FAT2: variants seen among roughly 807,000 people sequenced by gnomAD.
The protein encoded by FAT2 is protocadherin Fat 2.
FAT2 carries 150 observed loss-of-function variants against 295.3 expected under a neutral mutation model. That is an observed-to-expected ratio of 0.51 (90% CI 0.44 to 0.58). The LOEUF (loss-of-function observed/expected upper bound fraction) is 0.58, where lower values mean the gene tolerates loss of function less well. Ranked by LOEUF, FAT2 falls within the 20% of genes least tolerant of loss-of-function variation. FAT2 has a pLI of 0.00. For synonymous variants in FAT2, 2,026 were observed against 2,150.3 expected, an observed-to-expected ratio of 0.94 and a Z score of 1.60; for missense variants, 4,868 against 5,442.7, an observed-to-expected ratio of 0.89 and a Z score of 3.32.
In FAT2 at chr5:151,507,535, G is replaced by A. The variant is rs2127564891; in HGVS notation, c.12136C>T (p.Gln4046Ter). The A allele has an allele frequency of 6.2e-7, 1 of 1,614,042 alleles. No individual in the cohort carries two copies. Among genetic ancestry groups the A allele is most frequent in the Non-Finnish European group, 8.5e-7 (1 of 1,180,010 alleles). Residue 4046 changes from glutamine (Q) to a stop codon, truncating the protein, a stop_gained, in exon 23 of 24, where the codon CAG (glutamine) becomes TAG (stop). Transcript: ENST00000261800. LOFTEE classifies it high-confidence loss of function. ...ACTGTGATGATCAGTAACTCCTGCT[G>A]CCCCCAGTCCCCCCTTTGGATCTCG... ...TPEIQRGDWG[Q>*]QELLIITVAV...
intron 3 of FAT2, 45 bp from the exon 4 acceptor site, chr5:151,556,447 A>C: frequency 7.0e-7 from 1 of 1,430,012 alleles, no homozygotes; most frequent in Non-Finnish European, 9.7e-7. Context: ...GAAGACTTTC[A>C]GGGCCACTTT....
intron 21 of FAT2, chr5:151,511,366 G>A (rs10463243): frequency 6.6e-6 from 1 of 151,980 alleles, no homozygotes; most frequent in Non-Finnish European, 1.5e-5. Flanking sequence ...CACAGGAACC[G>A]CTCATGTTGC....
In FAT2 at chr5:151,544,604, A is replaced by G. The variant is rs773149173; in HGVS notation, c.6523T>C (p.Tyr2175His). Residue 2175 changes from tyrosine to histidine, a missense_variant, in exon 10 of 24, where the codon TAT becomes CAT. This residue lies in a region of FAT2 where 3,297 missense variants were observed against 3,669.4 expected (regional missense o/e 0.90). Coordinates refer to ENST00000261800, the MANE Select transcript of FAT2 (RefSeq NM_001447.3). Reference protein sequence around the residue: ...NKSNPLFQSPYYKVRVPENIT... With the variant: ...NKSNPLFQSPHYKVRVPENIT... ...TTTTCAGGTACTCTGACTTTGTAAT[A>G]AGGACTCTGAAACAGTGGGTTGGAT... 1.2e-6 allele frequency: 2 copies of G among 1,614,068 alleles called. No individual in the cohort carries two copies. Among genetic ancestry groups the G allele is most frequent in the East Asian group, 4.5e-5 (2 of 44,874 alleles).
At position 151,567,330 on chromosome 5, in the gene FAT2, T is replaced by C. The variant is rs748697038; in HGVS notation, c.1602A>G (p.Arg534=). ...LMKRIYTFRV[R]ASDWGSPFRR... The stretch of plus-strand genomic sequence containing the variant: ...GAAAAGGGGATCCCCAGTCTGATGC[T>C]CTTACCCGGAAGGTATAAATTCTTT... Residue 534 remains arginine, a synonymous_variant, in exon 2 of 24, where the codon AGA becomes AGG. Coordinates refer to ENST00000261800, the MANE Select transcript of FAT2 (RefSeq NM_001447.3). 1.2e-6 allele frequency: 2 copies of C among 1,614,212 alleles called. No individual in the cohort carries two copies. The highest frequency in any genetic ancestry group is 1.7e-5 in the Admixed American group (1 of 60,030).
rs372966757 is a variant in FAT2, at chr5:151,549,192, T to A, written c.4789+103A>T. On this transcript the variant is annotated intron_variant, in intron 9 of 23. Transcript: ENST00000261800. ...AGAATTATTGTTTGCCAAGGCTTAA[T>A]GAGCTTGGTACTTGATTAATTTGCG... is the stretch of plus-strand genomic sequence containing the variant. 3,283 of 1,062,574 alleles carry A rather than the reference T, an allele frequency of 3.1e-3. 91 individuals carry two copies. In the South Asian group the frequency reaches 0.047, roughly 15 times the overall value. The allele number at this position is 1,062,574 out of a possible 1,614,324, so 65.8% of individuals were successfully genotyped here.
intron 1 of FAT2, among the ~76,000 whole-genome samples, chr5:151,573,636 G>A (rs937987995): frequency 6.6e-6 from 1 of 152,182 alleles, no homozygotes. Flanking sequence ...CCTGGCAACA[G>A]AGCAGGACTC....
chr5:151,568,250 G>T lies in FAT2; in HGVS notation c.682C>A (p.Arg228=), dbSNP rs752704380. 2 of 1,614,080 alleles carry T rather than the reference G, an allele frequency of 1.2e-6. No individual in the cohort carries two copies. Among genetic ancestry groups the T allele is most frequent in the Non-Finnish European group, 1.7e-6 (2 of 1,179,984 alleles). ...ELQVLAVDRM[R]KISEGNGFGS... ...AACCCATTGCCCTCAGAGATTTTCC[G>T]CATGCGGTCCACAGCTAGCACCTGG... Residue 228 remains arginine (R), a synonymous_variant, in exon 2 of 24, where the codon CGG becomes AGG. Coordinates refer to ENST00000261800, the MANE Select transcript of FAT2 (RefSeq NM_001447.3).
chr5:151,574,781 G>A lies in FAT2; in HGVS notation c.-20-5830C>T, dbSNP rs556597964. On this transcript the variant is annotated intron_variant, in intron 1 of 23. Transcript: ENST00000261800. ...ACTTCCAAGAAACTTGGATGAACAT[G>A]TGAGTCATTTGTTAGTTTGTAGGCA... Among the ~76,000 whole-genome samples the A allele has an allele frequency of 7.9e-5, 12 of 152,322 alleles. No individual in the cohort carries two copies. The South Asian group carries it at 2.3e-3, about 29-fold the overall frequency.
In FAT2 at chr5:151,531,219, C is replaced by T. The variant is rs562653650; in HGVS notation, c.9811+368G>A. On this transcript the variant is annotated intron_variant, in intron 14 of 23. Transcript: ENST00000261800. This position sits in a 1 kb window ranked among gnomAD's most constrained non-coding sequence, Gnocchi z 5.7. ...GCAGCCTTGTCCAGGGTTGCTTAAG[C>T]CCCAGATTCCAGCAAGGGCTCCCTG... Among the ~76,000 whole-genome samples the T allele has an allele frequency of 6.6e-6, 1 of 152,238 alleles. No homozygotes were observed. Among genetic ancestry groups the T allele is most frequent in the East Asian group, 1.9e-4 (1 of 5,178 alleles).
chr5:151,533,618 A>G (rs1410143524), intron 13 of FAT2, among the ~76,000 whole-genome samples: 1 of 152,098 alleles, frequency 6.6e-6, no homozygotes, highest in Non-Finnish European at 1.5e-5. Flanking sequence ...TTTTATCATC[A>G]TCATTTTCCT....
At chr5:151,583,069 T>A (rs144765037) in intron 1 of FAT2, among the ~76,000 whole-genome samples, 4 of 152,238 alleles carry the variant, frequency 2.6e-5, no homozygotes, top group Admixed American at 1.3e-4. Flanking sequence ...CTTCCTGAGG[T>A]CTTTCTATCT....
At chr5:151,548,189 A>G (rs1160080673) in intron 9 of FAT2, among the ~76,000 whole-genome samples, 2 of 152,172 alleles carry the variant, frequency 1.3e-5, no homozygotes, top group African/African-American at 4.8e-5. Flanking sequence ...TAGCTACTGT[A>G]TAAGCTACTG....
intron 9 of FAT2, among the ~76,000 whole-genome samples, chr5:151,546,542 A>G (rs964426831): frequency 1.1e-4 from 16 of 152,204 alleles, no homozygotes; most frequent in African/African-American, 3.9e-4. Flanking sequence ...TCATATCACC[A>G]TCAATTATCA....
rs1758395192 is a variant in FAT2, at chr5:151,568,646, T to G, written c.286A>C (p.Arg96=). 1 of 1,614,002 alleles carries G rather than the reference T, an allele frequency of 6.2e-7. No homozygotes were observed. Among genetic ancestry groups the G allele is most frequent in the Admixed American group, 1.7e-5 (1 of 59,994 alleles). The change falls in exon 2 of 24, where the codon AGA becomes CGA. Residue 96 remains arginine (R), a synonymous_variant. Coordinates refer to ENST00000261800, the MANE Select transcript of FAT2 (RefSeq NM_001447.3). The part of the protein sequence containing the change: ...EYVVGNFCFL[R]IRTKSSNTAL... Reference sequence around the variant, plus strand: ...GTGTTGCTGCTCTTTGTCCTTATTCTTAGGAAGCAGAAGTTGCCCACCACA... The same window carrying G: ...GTGTTGCTGCTCTTTGTCCTTATTCGTAGGAAGCAGAAGTTGCCCACCACA...
At position 151,528,165 on chromosome 5, in the gene FAT2, G is replaced by A. The variant is rs767457232; in HGVS notation, c.10027-32C>T. ...TGGGGTAGGGGGATTGTGAATGGAG[G>A]GACAGGAATCTTGACCCCTGGGAGT... is the stretch of plus-strand genomic sequence containing the variant. On this transcript the variant is annotated intron_variant, in intron 15 of 23. Transcript: ENST00000261800. 8 of 1,608,352 alleles carry A rather than the reference G, an allele frequency of 5.0e-6. No homozygotes were observed. In the African/African-American group the frequency reaches 8.0e-5, roughly 16 times the overall value.
At chr5:151,510,229 A>C in intron 21 of FAT2, 55 bp from the exon 22 acceptor site, 2 of 1,585,532 alleles carry the variant, frequency 1.3e-6, no homozygotes, top group Admixed American at 1.7e-5. Context: ...GTTAAAGGAG[A>C]CCTGGCATTG....
chr5:151,505,607 C>T lies in FAT2; in HGVS notation c.13008G>A (p.Met4336Ile). The change falls in exon 24 of 24, where the codon ATG (methionine) becomes ATA (isoleucine). Residue 4336 changes from methionine (M) to isoleucine (I), a missense_variant. Around this residue, in one of 5 missense-constraint regions of FAT2, gnomAD observed 492 missense variants for 482.6 expected, o/e 1.02. Transcript: ENST00000261800. ...RVPPNYEGSD[M>I]VESDYGSCEE... ...CACAGCTGCCATAATCACTCTCCAC[C>T]ATGTCAGAGCCCTCATAGTTGGGGG... 6.2e-7 allele frequency: 1 copy of T among 1,614,192 alleles called. No homozygotes were observed. The highest frequency in any genetic ancestry group is 8.5e-7 in the Non-Finnish European group (1 of 1,180,034).
intron 1 of FAT2, 98 bp from the exon 2 acceptor site, chr5:151,569,049 A>T: frequency 8.4e-7 from 1 of 1,190,236 alleles, no homozygotes; most frequent in Non-Finnish European, 1.2e-6. Flanking sequence ...CTCAAGGGAC[A>T]CTTGGCAATG....
intron 14 of FAT2, among the ~76,000 whole-genome samples, chr5:151,530,577 C>T (rs1252233679): frequency 2.6e-5 from 4 of 152,194 alleles, no homozygotes; most frequent in Non-Finnish European, 4.4e-5. Flanking sequence ...CAACCAAATT[C>T]AGTATGTAGA....
Sources: gnomAD v4.1 joint callset for allele counts (sites outside exome capture counted in the v4.1 genomes callset) on GRCh38, gnomAD v4.1.1 for gene constraint, gnomAD v4.1.1 regional missense constraint, Gnocchi (gnomAD v3.1) non-coding constraint, MANE v1.5 for transcripts, NCBI Gene and HGNC (gene_info 2026-07-23, HGNC 2026-07-21) for gene names.